The following CFAP91 variants were observed in gnomAD, a reference collection of about 807,000 sequenced individuals.
The protein encoded by CFAP91 is cilia- and flagella-associated protein 91.
In CFAP91, 85 loss-of-function variants were observed where a neutral mutation model predicts 95.9. The ratio of observed to expected loss-of-function variants is 0.89; its 90% CI spans 0.74 to 1.06. The LOEUF is 1.06. Among genes scored for constraint, CFAP91 ranks in the 50% least tolerant of loss-of-function variants. The pLI, the probability that CFAP91 is intolerant of heterozygous loss-of-function variation, is 0.00. For missense variants in CFAP91, 962 were observed against 943.4 expected (o/e 1.02, Z -0.26); for synonymous variants, 335 against 327.5 (o/e 1.02, Z -0.25).
At position 119,715,403 on chromosome 3, in the gene CFAP91, G is replaced by A. The variant is rs180738357; in HGVS notation, c.501-159G>A. 9.2e-5 allele frequency: 68 copies of A among 738,206 alleles called. No homozygotes were observed. In the Admixed American group the frequency reaches 9.2e-4, roughly 10 times the overall value. 45.7% of individuals were successfully genotyped at this position (738,206 alleles called of 1,614,324 possible). The stretch of plus-strand genomic sequence containing the variant: ...AAGGCAATTCTCTCAAGATTTGTGC[G>A]CATAATCCTGGTTATAATGGATTCA... On this transcript the variant is annotated intron_variant, in intron 5 of 17. Transcript: ENST00000273390.
chr3:119,758,677 A>G (rs2054477931), intron 17 of CFAP91, among the ~76,000 whole-genome samples: 1 of 152,204 alleles, frequency 6.6e-6, no homozygotes, highest in Non-Finnish European at 1.5e-5. Flanking sequence ...AAATATGGAT[A>G]TTTATATAAA....
intron 2 of CFAP91, 107 bp downstream of exon 2, chr3:119,706,992 G>T: frequency 1.1e-6 from 1 of 874,522 alleles, no homozygotes; most frequent in Non-Finnish European, 1.9e-6. Flanking sequence ...TGGATTTTAG[G>T]TTCCACAGAA....
In CFAP91 at chr3:119,707,495, C is replaced by G; in HGVS notation, c.293C>G (p.Pro98Arg). The G allele has an allele frequency of 6.3e-7, 1 of 1,599,046 alleles. No individual in the cohort carries two copies. The highest frequency in any genetic ancestry group is 8.5e-7 in the Non-Finnish European group (1 of 1,169,682). The change falls in exon 3 of 18, where the codon CCA becomes CGA. Residue 98 changes from proline to arginine, a missense_variant. Physicochemically the swap from Pro to Arg is moderately radical, Grantham distance 103. Transcript: ENST00000273390. ...LYWSKSDPVP[P>R]FISREWKGHK... ...TGGAGCAAGTCAGATCCTGTCCCACCATTTATCAGTCGGGAATGGAAGGGA... is the reference window on the plus strand; with the variant it reads ...TGGAGCAAGTCAGATCCTGTCCCACGATTTATCAGTCGGGAATGGAAGGGA...
At position 119,705,258 on chromosome 3, in the gene CFAP91, G is replaced by A. The variant is rs184910993; in HGVS notation, c.125-1551G>A. Among the ~76,000 whole-genome samples the A allele has an allele frequency of 5.9e-5, 9 of 152,330 alleles. No individual in the cohort carries two copies. In the East Asian group the frequency reaches 1.5e-3, roughly 26 times the overall value. The stretch of plus-strand genomic sequence containing the variant: ...GTTAGAAATTTAAGATTGGTTGTTG[G>A]CTGGCCAATGAATTGACTGGCCTTG... On this transcript the variant is annotated intron_variant, in intron 1 of 17. Coordinates refer to ENST00000273390, the MANE Select transcript of CFAP91 (RefSeq NM_033364.4).
chr3:119,725,033 C>T (rs537739891), intron 6 of CFAP91, among the ~76,000 whole-genome samples: 2 of 152,302 alleles, frequency 1.3e-5, no homozygotes, highest in East Asian at 1.9e-4. Context: ...CCCTACTGTA[C>T]GTGGTAGAAA....
intron 10 of CFAP91, among the ~76,000 whole-genome samples, chr3:119,736,430 C>T (rs2054008511): frequency 6.6e-6 from 1 of 151,880 alleles, no homozygotes; most frequent in African/African-American, 2.4e-5. Context: ...CACCACCACG[C>T]CTGGCTAATT....
intron 17 of CFAP91, among the ~76,000 whole-genome samples, chr3:119,757,223 G>A (rs1371320650): frequency 2.0e-5 from 3 of 152,022 alleles, no homozygotes; most frequent in Non-Finnish European, 2.9e-5. Flanking sequence ...TTAATAGCAC[G>A]GCCTCCCCCT....
rs1165611757 is a variant in CFAP91, at chr3:119,744,313, A to G, written c.1902+117A>G. The G allele has an allele frequency of 3.7e-5, 28 of 756,180 alleles. No individual in the cohort carries two copies. In the East Asian group the frequency reaches 7.6e-4, roughly 20 times the overall value. 46.8% of individuals were successfully genotyped at this position (756,180 alleles called of 1,614,324 possible). On this transcript the variant is annotated intron_variant, in intron 14 of 17. Transcript: ENST00000273390. ...TGTTTATGCATTGAGTTCCTACTGTATGCCAGGCACTCTACAGAGGCACTG... is the reference window on the plus strand; with the variant it reads ...TGTTTATGCATTGAGTTCCTACTGTGTGCCAGGCACTCTACAGAGGCACTG...
At position 119,747,992 on chromosome 3, in the gene CFAP91, G is replaced by A. The variant is rs937573217; in HGVS notation, c.2143+90G>A. The A allele has an allele frequency of 6.0e-6, 6 of 1,000,734 alleles. No individual in the cohort carries two copies. In the African/African-American group the frequency reaches 8.2e-5, roughly 14 times the overall value. The allele number at this position is 1,000,734 out of a possible 1,614,324, so 62.0% of individuals were successfully genotyped here. On this transcript the variant is annotated intron_variant, in intron 16 of 17. Transcript: ENST00000273390. The stretch of plus-strand genomic sequence containing the variant: ...GAGATTTAAAATTAAACAGAGGGAT[G>A]AGGAAATTTCTAAAGGAGGATCACT...
At position 119,715,763 on chromosome 3, in the gene CFAP91, G is replaced by C. The variant is rs775515252; in HGVS notation, c.682+20G>C. 1 of 1,608,504 alleles carries C rather than the reference G, an allele frequency of 6.2e-7. No homozygotes were observed. The highest frequency in any genetic ancestry group is 2.2e-5 in the East Asian group (1 of 44,856). ...CTTGGGGTGAGTTGGTAAATCTCCTGACTATTGGCAGATGACGATGCTGAT... is the reference window on the plus strand; with the variant it reads ...CTTGGGGTGAGTTGGTAAATCTCCTCACTATTGGCAGATGACGATGCTGAT... On this transcript the variant is annotated intron_variant, in intron 6 of 17. Transcript: ENST00000273390.
At chr3:119,742,180 C>T (rs540386560) in intron 13 of CFAP91, among the ~76,000 whole-genome samples, 4 of 152,230 alleles carry the variant, frequency 2.6e-5, no homozygotes, top group African/African-American at 7.2e-5. Context: ...AAATCGTGTC[C>T]GCCTACAGCT....
chr3:119,738,731 G>A (rs972287997), intron 11 of CFAP91, among the ~76,000 whole-genome samples: 1 of 152,030 alleles, frequency 6.6e-6, no homozygotes, highest in Non-Finnish European at 1.5e-5. Context: ...ATCTTAATTC[G>A]ATTTCCAGAC....
intron 5 of CFAP91, among the ~76,000 whole-genome samples, chr3:119,712,227 GA>G (rs1447001519): frequency 6.6e-6 from 1 of 152,110 alleles, no homozygotes; most frequent in Non-Finnish European, 1.5e-5. Flanking sequence ...CAGAAATGGG[GA>G]AAAAATAGGT....
In CFAP91 at chr3:119,716,389, G is replaced by A. The variant is rs148583555; in HGVS notation, c.682+646G>A. Reference sequence around the variant, plus strand: ...AATAGCTGGGAAACTGAGAACCAGAGAGGTTAACTAATTCCTCCAAGGACA... The same window carrying A: ...AATAGCTGGGAAACTGAGAACCAGAAAGGTTAACTAATTCCTCCAAGGACA... On this transcript the variant is annotated intron_variant, in intron 6 of 17. Coordinates refer to ENST00000273390, the MANE Select transcript of CFAP91 (RefSeq NM_033364.4). 9.8e-3 allele frequency among the ~76,000 whole-genome samples: 1,497 copies of A among 152,322 alleles called. 104 individuals carry two copies. The highest frequency in any genetic ancestry group is 0.089 in the Admixed American group (1,368 of 15,306).
chr3:119,729,074 T>C (rs965070255), intron 7 of CFAP91, among the ~76,000 whole-genome samples: 1 of 152,176 alleles, frequency 6.6e-6, no homozygotes, highest in African/African-American at 2.4e-5. Context: ...GTAAAATGTA[T>C]GTTCAAATCT....
chr3:119,727,829 G>A (rs761760264), intron 7 of CFAP91, among the ~76,000 whole-genome samples: 3 of 152,154 alleles, frequency 2.0e-5, no homozygotes, highest in Non-Finnish European at 2.9e-5. Flanking sequence ...GTTTTGAAGG[G>A]TAGGTAAGAA....
rs2053870631 is a variant in CFAP91, at chr3:119,730,313, G to T, written c.954G>T (p.Arg318=). The T allele has an allele frequency of 6.2e-7, 1 of 1,614,036 alleles. No individual in the cohort carries two copies. Among genetic ancestry groups the T allele is most frequent in the Non-Finnish European group, 8.5e-7 (1 of 1,180,028 alleles). Residue 318 remains arginine (R), a synonymous_variant, in exon 8 of 18, where the codon CGG becomes CGT. Coordinates refer to ENST00000273390, the MANE Select transcript of CFAP91 (RefSeq NM_033364.4). ...NEVNMKHLNA[R]WSKLQEGKEA... ...TGAATATGAAGCACTTGAATGCCCG[G>T]TGGTCTAAACTGCAGGAGGGAAAAG...
At chr3:119,752,627 G>A (rs973090432) in intron 17 of CFAP91, among the ~76,000 whole-genome samples, 10 of 152,184 alleles carry the variant, frequency 6.6e-5, no homozygotes, top group African/African-American at 2.4e-4. Flanking sequence ...TTTCTGACAT[G>A]CAAATTTAAT....
At chr3:119,762,370 T>G (rs538761709) in intron 17 of CFAP91, among the ~76,000 whole-genome samples, 1 of 152,192 alleles carries the variant, frequency 6.6e-6, no homozygotes, top group South Asian at 2.1e-4. Context: ...CCTGTGTTCA[T>G]GGATTGGAAG....
Sources: allele counts gnomAD v4.1 joint callset (sites outside exome capture counted in the v4.1 genomes callset), GRCh38; gene constraint gnomAD v4.1.1; transcripts MANE v1.5; gene names NCBI Gene and HGNC (gene_info 2026-07-23, HGNC 2026-07-21).